The following FOXP1 variants were observed in gnomAD, a reference collection of about 807,000 sequenced individuals.
FOXP1 encodes the protein forkhead box protein P1.
FOXP1 carries 15 observed loss-of-function variants against 98.2 expected under a neutral mutation model. The observed-to-expected ratio is 0.15, with a 90% CI of 0.10 to 0.24. The LOEUF is 0.24. Ranked by LOEUF, FOXP1 falls within the 10% of genes least tolerant of loss-of-function variation. The pLI is 1.00. For missense variants in FOXP1, 633 were observed against 848.5 expected (o/e 0.75, Z 3.15); for synonymous variants, 371 against 314.5 (o/e 1.18, Z -1.90).
intron 5 of FOXP1, among the ~76,000 whole-genome samples, chr3:71,282,147 G>A (rs961834531): frequency 2.0e-5 from 3 of 151,918 alleles, no homozygotes; most frequent in Admixed American, 2.0e-4. Context: ...AAGCCGAGAA[G>A]ATCCCTCTAA....
chr3:71,339,766 T>C (rs187971631), intron 4 of FOXP1, among the ~76,000 whole-genome samples: 7 of 152,268 alleles, frequency 4.6e-5, no homozygotes, highest in East Asian at 1.9e-4. Context: ...AGGTAGCACA[T>C]TGAAACAAAA....
chr3:71,334,936 T>C (rs535443462), intron 4 of FOXP1: 4 of 152,116 alleles, frequency 2.6e-5, no homozygotes, highest in Non-Finnish European at 5.9e-5. Flanking sequence ...AATGGCTAAA[T>C]GTCCTGAAAA....
intron 7 of FOXP1, among the ~76,000 whole-genome samples, chr3:71,072,895 GAAGA>G (rs1205720102): frequency 6.6e-6 from 1 of 152,184 alleles, no homozygotes; most frequent in Admixed American, 6.5e-5. Context: ...GGGACATTTG[GAAGA>G]AAGAGTAATC....
At chr3:71,321,461 G>A (rs878920328) in intron 4 of FOXP1, among the ~76,000 whole-genome samples, 1 of 152,124 alleles carries the variant, frequency 6.6e-6, no homozygotes, top group Non-Finnish European at 1.5e-5. Context: ...TTCTGGAAAC[G>A]TGAGATGGCC....
At chr3:71,558,684 G>A (rs1294653059) in intron 2 of FOXP1, among the ~76,000 whole-genome samples, 5 of 151,444 alleles carry the variant, frequency 3.3e-5, no homozygotes, top group East Asian at 2.0e-4. Context: ...TAGTAGAGAC[G>A]GGGTTTCACT....
chr3:71,361,063 G>A (rs149518912), intron 3 of FOXP1, among the ~76,000 whole-genome samples: 1 of 152,292 alleles, frequency 6.6e-6, no homozygotes, highest in Non-Finnish European at 1.5e-5. Flanking sequence ...ATTCTTATAT[G>A]AGTTTAATGT....
At chr3:70,963,797 T>C (rs1048317199) in intron 20 of FOXP1, among the ~76,000 whole-genome samples, 2 of 152,186 alleles carry the variant, frequency 1.3e-5, no homozygotes, top group Non-Finnish European at 2.9e-5. Context: ...AAAGCCATAA[T>C]TATGTGACCA....
intron 6 of FOXP1, chr3:71,130,475 T>G: frequency 6.3e-7 from 1 of 1,596,622 alleles, no homozygotes; most frequent in Non-Finnish European, 8.5e-7. Context: ...CAAAAAAATG[T>G]TTCTTTTTCT....
intron 5 of FOXP1, among the ~76,000 whole-genome samples, chr3:71,232,942 TACCACC>T (rs752937811): frequency 7.4e-6 from 1 of 135,936 alleles, no homozygotes; most frequent in Non-Finnish European, 1.5e-5. Context: ...ACAATACTAC[TACCACC>T]ACCACCACCA....
At chr3:71,406,404 T>C (rs1248347483) in intron 3 of FOXP1, among the ~76,000 whole-genome samples, 2 of 39,856 alleles carry the variant, frequency 5.0e-5, no homozygotes, top group Non-Finnish European at 1.5e-4. Flanking sequence ...TAACTGTATG[T>C]GTATATATAT....
chr3:70,984,294 G>A (rs986438576), intron 14 of FOXP1, among the ~76,000 whole-genome samples: 1 of 152,166 alleles, frequency 6.6e-6, no homozygotes, highest in African/African-American at 2.4e-5. Context: ...CAATCAGAGG[G>A]ACCGATCTGG....
At chr3:71,345,871 TAAAAAAAAAAAAAAA>T (rs71120316) in intron 4 of FOXP1, among the ~76,000 whole-genome samples, 1 of 55,096 alleles carries the variant, frequency 1.8e-5, no homozygotes, top group Non-Finnish European at 3.4e-5. Flanking sequence ...AAAGTTTTTG[TAAAAAAAAAAAAAAA>T]AAAAAAAAAA....
At chr3:71,419,900 C>G (rs2083500679) in intron 3 of FOXP1, among the ~76,000 whole-genome samples, 1 of 151,862 alleles carries the variant, frequency 6.6e-6, no homozygotes, top group Non-Finnish European at 1.5e-5. Flanking sequence ...CTGCAACCTC[C>G]GCCTCCCAGG....
chr3:71,545,104 TTA>T (rs144107199), intron 2 of FOXP1, among the ~76,000 whole-genome samples: 23,253 of 151,290 alleles, frequency 0.15, 2,121 homozygotes, highest in Non-Finnish European at 0.21. Flanking sequence ...AATTTTTTTT[TTA>T]TTAAAAATAA....
intron 2 of FOXP1, among the ~76,000 whole-genome samples, chr3:71,546,566 G>A (rs1250137785): frequency 1.3e-5 from 2 of 151,952 alleles, no homozygotes; most frequent in African/African-American, 4.8e-5. Flanking sequence ...CTATGATGCA[G>A]GGTTGAATAA....
chr3:71,509,168 T>G (rs531691152), intron 2 of FOXP1, among the ~76,000 whole-genome samples: 1 of 152,372 alleles, frequency 6.6e-6, no homozygotes, highest in East Asian at 1.9e-4. Context: ...CATGCCCTTG[T>G]GCAGATTCTG....
intron 11 of FOXP1, among the ~76,000 whole-genome samples, chr3:71,041,026 A>C (rs1299911342): frequency 6.6e-6 from 1 of 152,216 alleles, no homozygotes; most frequent in East Asian, 1.9e-4. Flanking sequence ...CGGAGTGAGC[A>C]CTTGGCAGAA....
At chr3:71,284,729 A>T (rs747421733) in intron 5 of FOXP1, among the ~76,000 whole-genome samples, 4 of 152,114 alleles carry the variant, frequency 2.6e-5, no homozygotes, top group Non-Finnish European at 5.9e-5. Flanking sequence ...AGAACACTTC[A>T]TGACACAGGA....
intron 2 of FOXP1, chr3:71,581,094 A>G (rs768474498): frequency 2.1e-6 from 2 of 968,490 alleles, no homozygotes; most frequent in Non-Finnish European, 2.5e-6. Context: ...AGGAAGAAAT[A>G]AGTTTCATTT....
Sources: allele counts gnomAD v4.1 joint callset (sites outside exome capture counted in the v4.1 genomes callset), GRCh38; gene constraint gnomAD v4.1.1; transcripts MANE v1.5; gene names NCBI Gene and HGNC (gene_info 2026-07-23, HGNC 2026-07-21).